Variants in GRID2 observed in about 807,000 individuals in gnomAD.
The protein encoded by GRID2 is glutamate ionotropic receptor delta type subunit 2.
Under a neutral mutation model 114.8 loss-of-function variants are expected in GRID2, and 33 were observed. That is an observed-to-expected ratio of 0.29 (90% CI 0.22 to 0.38). GRID2 has a LOEUF of 0.38. Among genes scored for constraint, GRID2 ranks in the 10% least tolerant of loss-of-function variants. The probability of loss-of-function intolerance (pLI) is 1.00; values close to 1 mark genes in which losing one functional copy is unlikely to be tolerated. For synonymous variants in GRID2, 505 were observed against 449.9 expected (o/e 1.12, Z -1.55); for missense variants, 1,184 against 1,257.7 (o/e 0.94, Z 0.89).
At chr4:93,765,796 T>C (rs767199254) in intron 14 of GRID2, among the ~76,000 whole-genome samples, 4 of 151,258 alleles carry the variant, frequency 2.6e-5, no homozygotes, top group Non-Finnish European at 5.9e-5. Flanking sequence ...AAGGAAGGAA[T>C]AAATGAACAT....
intron 1 of GRID2, among the ~76,000 whole-genome samples, chr4:92,533,192 G>T (rs372969652): frequency 0.048 from 7,046 of 147,660 alleles, 251 homozygotes; most frequent in Middle Eastern, 0.12. Flanking sequence ...GTGTTTTTTT[G>T]TTTTTTTTGT....
rs570704772 is a variant in GRID2, at chr4:93,394,280, A to G, written c.1246-1327A>G. Among the ~76,000 whole-genome samples the G allele has an allele frequency of 4.6e-5, 7 of 152,162 alleles. No individual in the cohort carries two copies. The East Asian group carries it at 1.2e-3, about 25-fold the overall frequency. ...GGCTTTTTATGTAACTAAGAATGAC[A>G]TATCATTGTATGAATTTAATGTGCT... On this transcript the variant is annotated intron_variant, in intron 8 of 15. Coordinates refer to ENST00000282020, the MANE Select transcript of GRID2 (RefSeq NM_001510.4).
rs1263058363 is a variant in GRID2 at position 93,751,859 on chromosome 4, C to T, written c.2361-17351C>T. Reference sequence around the variant, plus strand: ...AGCTTCATGCTGTCATTCCTTGCCGCCTCCTTATTTTCCTAGGCTTTCCAC... The same window carrying T: ...AGCTTCATGCTGTCATTCCTTGCCGTCTCCTTATTTTCCTAGGCTTTCCAC... On this transcript the variant is annotated intron_variant, in intron 14 of 15. Transcript: ENST00000282020. Among the ~76,000 whole-genome samples the T allele has an allele frequency of 9.2e-5, 14 of 152,172 alleles. No homozygotes were observed. The South Asian group carries it at 2.9e-3, about 32-fold the overall frequency.
chr4:93,751,513 C>T (rs576740591), intron 14 of GRID2, among the ~76,000 whole-genome samples: 2 of 152,200 alleles, frequency 1.3e-5, no homozygotes, highest in African/African-American at 2.4e-5. Flanking sequence ...GGGAAATGCT[C>T]CTGTGGCATT....
chr4:92,716,239 C>A (rs980100028), intron 2 of GRID2, among the ~76,000 whole-genome samples: 2 of 152,230 alleles, frequency 1.3e-5, no homozygotes, highest in Non-Finnish European at 2.9e-5. Context: ...TAGATCCTTC[C>A]ATTGCTTTCT....
At chr4:93,310,874 CA>C (rs773741771) in intron 8 of GRID2, among the ~76,000 whole-genome samples, 17 of 152,110 alleles carry the variant, frequency 1.1e-4, no homozygotes, top group Admixed American at 2.6e-4. Flanking sequence ...CTGAAGCAAA[CA>C]GTAGAGTTAT....
At chr4:93,288,669 G>C (rs1753430383) in intron 8 of GRID2, among the ~76,000 whole-genome samples, 3 of 152,144 alleles carry the variant, frequency 2.0e-5, no homozygotes, top group African/African-American at 7.2e-5. Context: ...AAGTTTGCAT[G>C]GGGCTGCTAA....
chr4:93,724,735 G>A (rs1018648928), intron 14 of GRID2, among the ~76,000 whole-genome samples: 2 of 152,010 alleles, frequency 1.3e-5, no homozygotes, highest in Non-Finnish European at 2.9e-5. Context: ...TAGTTGTCCA[G>A]TAGGGGAGAG....
At chr4:92,582,408 G>A (rs1728226208) in intron 1 of GRID2, among the ~76,000 whole-genome samples, 1 of 151,398 alleles carries the variant, frequency 6.6e-6, no homozygotes, top group Non-Finnish European at 1.5e-5. Flanking sequence ...TTAAACTAAG[G>A]TTTAGAAATT....
At chr4:93,422,622 C>A in intron 9 of GRID2, 149 bp from the exon 10 acceptor site, 4 of 578,408 alleles carry the variant, frequency 6.9e-6, no homozygotes, top group South Asian at 2.3e-5. Flanking sequence ...TAATATGATG[C>A]GTTAATAATG....
intron 2 of GRID2, among the ~76,000 whole-genome samples, chr4:92,648,294 G>A (rs546462564): frequency 6.7e-6 from 1 of 149,512 alleles, no homozygotes; most frequent in Non-Finnish European, 1.5e-5. Context: ...GCATACGGGT[G>A]CATCCCCAAA....
chr4:92,640,983 T>C (rs532635853), intron 2 of GRID2, among the ~76,000 whole-genome samples: 16 of 151,510 alleles, frequency 1.1e-4, no homozygotes, highest in Non-Finnish European at 1.9e-4. Context: ...CATCTAGTAA[T>C]AGGAAGAAAA....
At chr4:93,680,073 C>A (rs1725356591) in intron 14 of GRID2, among the ~76,000 whole-genome samples, 1 of 151,036 alleles carries the variant, frequency 6.6e-6, no homozygotes, top group Non-Finnish European at 1.5e-5. Flanking sequence ...CAAATAGATG[C>A]AATAAAAAAT....
intron 1 of GRID2, among the ~76,000 whole-genome samples, chr4:92,589,188 T>G (rs1728595710): frequency 1.3e-5 from 2 of 152,132 alleles, no homozygotes; most frequent in South Asian, 4.1e-4. Context: ...ATACACACTG[T>G]GTATATAATG....
At chr4:93,047,761 A>G (rs1726286833) in intron 2 of GRID2, among the ~76,000 whole-genome samples, 1 of 151,986 alleles carries the variant, frequency 6.6e-6, no homozygotes, top group African/African-American at 2.4e-5. Context: ...CTAGATGGCT[A>G]GAGAAACTAT....
chr4:93,243,704 G>C (rs1747807254), intron 8 of GRID2, among the ~76,000 whole-genome samples: 1 of 152,078 alleles, frequency 6.6e-6, no homozygotes, highest in Non-Finnish European at 1.5e-5. Context: ...AGTTTGGTGA[G>C]AATGTGGAAG....
intron 1 of GRID2, among the ~76,000 whole-genome samples, chr4:92,553,210 A>C (rs753061873): frequency 3.3e-5 from 5 of 152,356 alleles, no homozygotes; most frequent in African/African-American, 1.2e-4. Context: ...CTTTGTTCCC[A>C]GAATGCACCT....
intron 9 of GRID2, among the ~76,000 whole-genome samples, chr4:93,415,452 C>G (rs928138706): frequency 6.6e-6 from 1 of 152,062 alleles, no homozygotes; most frequent in African/African-American, 2.4e-5. Flanking sequence ...AAAACGCAGT[C>G]TGAGAGTTTG....
At chr4:92,634,909 T>A (rs1367674940) in intron 2 of GRID2, among the ~76,000 whole-genome samples, 2 of 149,288 alleles carry the variant, frequency 1.3e-5, no homozygotes, top group Admixed American at 1.3e-4. Flanking sequence ...AATTGAGAGA[T>A]TTAAGTTGAT....
Sources: gnomAD v4.1 joint callset for allele counts (sites outside exome capture counted in the v4.1 genomes callset) on GRCh38, gnomAD v4.1.1 for gene constraint, MANE v1.5 for transcripts, NCBI Gene and HGNC (gene_info 2026-07-23, HGNC 2026-07-21) for gene names.